Variants in SLC25A26 observed in about 807,000 individuals in gnomAD.
SLC25A26 encodes solute carrier family 25 member 26, also known as mitochondrial S-adenosylmethionine carrier protein.
Under a neutral mutation model 37.8 loss-of-function variants are expected in SLC25A26, and 36 were observed. That is an observed-to-expected ratio of 0.95 (90% confidence interval 0.73 to 1.26). The LOEUF (loss-of-function observed/expected upper bound fraction) is 1.26. Among genes scored for constraint, SLC25A26 ranks in the 50% most tolerant of loss-of-function variants. The pLI, the probability that SLC25A26 is intolerant of heterozygous loss-of-function variation, is 0.00. For synonymous variants in SLC25A26, 129 were observed against 122.5 expected (o/e 1.05, Z -0.35); for missense variants, 390 against 331.1 (o/e 1.18, Z -1.38).
intron 1 of SLC25A26, among the ~76,000 whole-genome samples, chr3:66,192,627 G>A (rs1237422823): frequency 5.3e-5 from 8 of 152,112 alleles, no homozygotes; most frequent in African/African-American, 1.9e-4. Context: ...AATCAGGCTC[G>A]GCCTCAGACA....
chr3:66,257,490 CCAAA>C (rs1249577777), intron 3 of SLC25A26, among the ~76,000 whole-genome samples: 1 of 152,088 alleles, frequency 6.6e-6, no homozygotes, highest in Non-Finnish European at 1.5e-5. Context: ...GAGCCCTGAA[CCAAA>C]GATCCAGGTT....
At chr3:66,309,511 C>T (rs528369125) in intron 5 of SLC25A26, among the ~76,000 whole-genome samples, 1 of 151,870 alleles carries the variant, frequency 6.6e-6, no homozygotes, top group South Asian at 2.1e-4. Context: ...TCCTTCAATT[C>T]TGCTCTGATC....
chr3:66,335,258 G>A (rs767851517), intron 5 of SLC25A26, among the ~76,000 whole-genome samples: 14 of 151,760 alleles, frequency 9.2e-5, no homozygotes, highest in Non-Finnish European at 1.5e-4. Flanking sequence ...GGATGGTGGT[G>A]CTGTTTTCTA....
chr3:66,186,194 C>T (rs2070823337), intron 1 of SLC25A26, among the ~76,000 whole-genome samples: 1 of 151,836 alleles, frequency 6.6e-6, no homozygotes, highest in South Asian at 2.1e-4. Context: ...TATCTTGTCC[C>T]TTATCCTAAA....
At chr3:66,156,399 TGAA>T (rs1413069887) in intron 1 of SLC25A26, among the ~76,000 whole-genome samples, 2 of 152,190 alleles carry the variant, frequency 1.3e-5, no homozygotes, top group East Asian at 3.9e-4. Context: ...ATTTCTCCAA[TGAA>T]GAAGATTTTC....
chr3:66,305,081 A>C (rs1429904753), intron 5 of SLC25A26, among the ~76,000 whole-genome samples: 1 of 152,216 alleles, frequency 6.6e-6, no homozygotes, highest in Non-Finnish European at 1.5e-5. Context: ...CGAAAAGCCA[A>C]AAGCATTTCT....
chr3:66,292,920 G>A (rs765637775), intron 5 of SLC25A26, among the ~76,000 whole-genome samples: 2 of 152,082 alleles, frequency 1.3e-5, no homozygotes, highest in Admixed American at 6.6e-5. Flanking sequence ...TTTGAGGTGT[G>A]CCAATCAAAC....
chr3:66,313,801 A>G (rs9849044), intron 5 of SLC25A26, among the ~76,000 whole-genome samples: 7 of 152,058 alleles, frequency 4.6e-5, no homozygotes, highest in Admixed American at 1.3e-4. Flanking sequence ...TTCCTTGTGC[A>G]GTGGTTTGTA....
At chr3:66,268,026 A>C (rs2073823014) in intron 5 of SLC25A26, among the ~76,000 whole-genome samples, 1 of 152,118 alleles carries the variant, frequency 6.6e-6, no homozygotes, top group Admixed American at 6.5e-5. Context: ...TTTTCCAGAG[A>C]CACTCTATCC....
At chr3:66,164,873 G>A (rs2070405148) in intron 1 of SLC25A26, among the ~76,000 whole-genome samples, 1 of 152,146 alleles carries the variant, frequency 6.6e-6, no homozygotes, top group Admixed American at 6.6e-5. Context: ...ACAGAAGGGT[G>A]CACAAGTGAA....
intron 5 of SLC25A26, among the ~76,000 whole-genome samples, chr3:66,265,935 A>G (rs1437323947): frequency 1.3e-5 from 2 of 152,272 alleles, no homozygotes; most frequent in African/African-American, 2.4e-5. Flanking sequence ...TGCTGAATAA[A>G]TGAATATTTA....
At chr3:66,204,134 C>CG (rs2071143334) in intron 1 of SLC25A26, among the ~76,000 whole-genome samples, 6 of 152,076 alleles carry the variant, frequency 3.9e-5, no homozygotes, top group Admixed American at 3.9e-4. Flanking sequence ...GCATGAAAAT[C>CG]ACGAGAATGG....
chr3:66,369,044 C>CA (rs1559746385), intron 7 of SLC25A26, among the ~76,000 whole-genome samples: 2 of 15,950 alleles, frequency 1.3e-4, no homozygotes, highest in African/African-American at 5.7e-4. Context: ...AAAAAAAAAA[C>CA]AAAAACAAAA....
intron 1 of SLC25A26, among the ~76,000 whole-genome samples, chr3:66,200,275 G>A (rs2106811394): frequency 6.6e-6 from 1 of 152,324 alleles, no homozygotes; most frequent in African/African-American, 2.4e-5. Flanking sequence ...GGAGACTGCT[G>A]TTGTGCTTGG....
intron 3 of SLC25A26, among the ~76,000 whole-genome samples, chr3:66,254,096 A>C (rs989928319): frequency 2.0e-5 from 3 of 152,302 alleles, no homozygotes; most frequent in Middle Eastern, 3.4e-3. Flanking sequence ...AGAGTCTTAT[A>C]AGGGGGAAAG....
chr3:66,301,006 G>T (rs1358442312), intron 5 of SLC25A26, among the ~76,000 whole-genome samples: 2 of 152,100 alleles, frequency 1.3e-5, no homozygotes, highest in African/African-American at 2.4e-5. Context: ...TCTCAATAAA[G>T]TCTATGCATT....
At position 66,362,687 on chromosome 3, in the gene SLC25A26, G is replaced by T. The variant is rs332387; in HGVS notation, c.499-173G>T. On this transcript the variant is annotated intron_variant, in intron 6 of 9. Coordinates refer to ENST00000354883, the MANE Select transcript of SLC25A26 (RefSeq NM_001379210.1). Reference sequence around the variant, plus strand: ...TAATGTAGCTGTCACTCTCATTTCTGTGACTTATTTTAGAAAGCTGTTAAG... The same window carrying T: ...TAATGTAGCTGTCACTCTCATTTCTTTGACTTATTTTAGAAAGCTGTTAAG... 0.54 allele frequency: 82,830 copies of T among 153,566 alleles called. 24,564 individuals carry two copies. Among genetic ancestry groups the T allele is most frequent in the African/African-American group, 0.79 (32,727 of 41,556 alleles). The allele number at this position is 153,566 out of a possible 1,614,324, so 9.5% of individuals were successfully genotyped here. A position where few individuals can be genotyped will look rare whatever the true frequency, so the allele number is the denominator to read the frequency against.
At chr3:66,198,330 T>C (rs1247638732) in intron 1 of SLC25A26, among the ~76,000 whole-genome samples, 1 of 152,036 alleles carries the variant, frequency 6.6e-6, no homozygotes, top group African/African-American at 2.4e-5. Context: ...CTTGCCCTAA[T>C]GGTAGCTCTC....
At chr3:66,181,461 G>A (rs765812533) in intron 1 of SLC25A26, among the ~76,000 whole-genome samples, 4 of 152,110 alleles carry the variant, frequency 2.6e-5, no homozygotes, top group South Asian at 2.1e-4. Flanking sequence ...ACTGGCAAAC[G>A]GCACCCTAAA....
Sources: allele counts gnomAD v4.1 joint callset (sites outside exome capture counted in the v4.1 genomes callset), GRCh38; gene constraint gnomAD v4.1.1; transcripts MANE v1.5; gene names NCBI Gene and HGNC (gene_info 2026-07-23, HGNC 2026-07-21).